Variants in VCAN observed in about 807,000 individuals in gnomAD.
The protein encoded by VCAN is versican.
Under a neutral mutation model 245.5 loss-of-function variants are expected in VCAN, and 44 were observed. The observed-to-expected ratio is 0.18, with a 90% CI of 0.14 to 0.23. The LOEUF (loss-of-function observed/expected upper bound fraction) is 0.23. Ranked by LOEUF, VCAN falls within the 10% of genes least tolerant of loss-of-function variation. The probability of loss-of-function intolerance (pLI) is 1.00; values close to 1 mark genes in which losing one functional copy is unlikely to be tolerated. For missense variants in VCAN, 3,793 were observed against 4,057.9 expected (o/e 0.93, Z 1.77); for synonymous variants, 1,413 against 1,437.0 (o/e 0.98, Z 0.38).
chr5:83,502,020 T>G (rs1745343705), intron 5 of VCAN, among the ~76,000 whole-genome samples: 1 of 152,210 alleles, frequency 6.6e-6, no homozygotes, highest in Non-Finnish European at 1.5e-5. Context: ...TTTGTTAAAT[T>G]TACTTGTAAA....
intron 2 of VCAN, 109 bp downstream of exon 2, chr5:83,483,697 T>C: frequency 9.7e-7 from 1 of 1,031,270 alleles, no homozygotes; most frequent in Non-Finnish European, 1.5e-6. Context: ...TTTTAAAATC[T>C]ATTAAGTGCT....
rs1454389341 is a variant in VCAN, at chr5:83,521,281, CAGA to C, written c.2979_2981del (p.Glu993del). 2 of 1,614,078 alleles carry C rather than the reference CAGA, an allele frequency of 1.2e-6. No individual in the cohort carries two copies. The highest frequency in any genetic ancestry group is 3.3e-5 in the Admixed American group (2 of 60,032). On this transcript the variant is annotated inframe_deletion, in exon 7 of 15. Coordinates refer to ENST00000265077, the MANE Select transcript of VCAN (RefSeq NM_004385.5). ...GGAGTGTTAGTACCTTCTGTTCCAT[CAGA>C]AGATGAAGTTCTAGGTGAACCCTCT...
chr5:83,554,313 T>C (rs1304985062), intron 11 of VCAN, among the ~76,000 whole-genome samples: 1 of 152,178 alleles, frequency 6.6e-6, no homozygotes, highest in Non-Finnish European at 1.5e-5. Flanking sequence ...TCATGAAGCG[T>C]TGTTTGATGT....
At position 83,539,476 on chromosome 5, in the gene VCAN, T is replaced by C; in HGVS notation, c.6473T>C (p.Leu2158Pro). The C allele has an allele frequency of 6.2e-7, 1 of 1,613,756 alleles. No homozygotes were observed. The highest frequency in any genetic ancestry group is 8.5e-7 in the Non-Finnish European group (1 of 1,179,924). Reference sequence around the variant, plus strand: ...CTCAAAACCACAGATTATTCTGTACTAACAACAAAGAAAACTTACAGTGAT... The same window carrying C: ...CTCAAAACCACAGATTATTCTGTACCAACAACAAAGAAAACTTACAGTGAT... ...TELKTTDYSV[L>P]TTKKTYSDDK... Residue 2158 changes from leucine to proline, a missense_variant, in exon 8 of 15, where the codon CTA becomes CCA. Transcript: ENST00000265077.
intron 2 of VCAN, among the ~76,000 whole-genome samples, chr5:83,486,927 C>T (rs1744810863): frequency 2.6e-5 from 4 of 152,104 alleles, no homozygotes; most frequent in African/African-American, 7.2e-5. Flanking sequence ...AAGACAAGTA[C>T]TTTCATCTTA....
rs1164964025 is a variant in VCAN, at chr5:83,471,842, G to T, written c.-188G>T. ...AGAACATTAGGTGTTGTGGACAGGAGCTGGGACCAAGATCTTCGGCCAGCC... is the reference window on the plus strand; with the variant it reads ...AGAACATTAGGTGTTGTGGACAGGATCTGGGACCAAGATCTTCGGCCAGCC... On this transcript the variant is annotated 5_prime_UTR_variant, in exon 1 of 15. Transcript: ENST00000265077. The T allele has an allele frequency of 5.0e-6, 2 of 398,092 alleles. No individual in the cohort carries two copies. Among genetic ancestry groups the T allele is most frequent in the African/African-American group, 4.1e-5 (2 of 48,602 alleles). 24.7% of individuals were successfully genotyped at this position (398,092 alleles called of 1,614,324 possible). A position where few individuals can be genotyped will look rare whatever the true frequency, so the allele number is the denominator to read the frequency against.
At chr5:83,474,762 C>G (rs1261383255) in intron 1 of VCAN, among the ~76,000 whole-genome samples, 1 of 152,216 alleles carries the variant, frequency 6.6e-6, no homozygotes. Flanking sequence ...AGTGGCCTCG[C>G]CCCCAGGATT....
intron 6 of VCAN, among the ~76,000 whole-genome samples, chr5:83,513,219 T>C (rs1745724354): frequency 6.6e-6 from 1 of 152,198 alleles, no homozygotes; most frequent in South Asian, 2.1e-4. Context: ...CCATCTATAC[T>C]ATGCTAGCTA....
At position 83,520,165 on chromosome 5, in the gene VCAN, A is replaced by G. The variant is rs1746024567; in HGVS notation, c.1859A>G (p.Asp620Gly). Residue 620 changes from aspartate (D) to glycine (G), a missense_variant, in exon 7 of 15, where the codon GAT becomes GGT. Asp to Gly is a moderately conservative substitution (Grantham distance 94). Around this residue, in one of 5 missense-constraint regions of VCAN, gnomAD observed 3,182 missense variants for 3,250.3 expected, o/e 0.98. Coordinates refer to ENST00000265077, the MANE Select transcript of VCAN (RefSeq NM_004385.5). ...IMPDNNGSSM[D>G]DWEERQTSGR... is the part of the protein sequence containing the mutation. ...CCTGATAATAATGGATCATCCATGG[A>G]TGACTGGGAAGAGAGACAAACTAGT... 1 of 1,613,914 alleles carries G rather than the reference A, an allele frequency of 6.2e-7. No individual in the cohort carries two copies. The highest frequency in any genetic ancestry group is 1.3e-5 in the African/African-American group (1 of 74,912).
At chr5:83,518,369 T>C (rs1745938519) in intron 6 of VCAN, among the ~76,000 whole-genome samples, 1 of 152,236 alleles carries the variant, frequency 6.6e-6, no homozygotes, top group African/African-American at 2.4e-5. Flanking sequence ...CCATTCTCTG[T>C]AAATCTGGAG....
rs1746081078 is a variant in VCAN at position 83,521,190 on chromosome 5, G to A, written c.2884G>A (p.Glu962Lys). Residue 962 changes from glutamate (E) to lysine (K), a missense_variant, in exon 7 of 15, where the codon GAG (glutamate) becomes AAG (lysine). Coordinates refer to ENST00000265077, the MANE Select transcript of VCAN (RefSeq NM_004385.5). ...ATTTGTTAGTTATAGTAGCACCCAA[G>A]AGCCTACTACTTATGTAGACTCTTC... ...LAFVSYSSTQ[E>K]PTTYVDSSHT... 1 of 1,613,494 alleles carries A rather than the reference G, an allele frequency of 6.2e-7. No individual in the cohort carries two copies. The highest frequency in any genetic ancestry group is 1.1e-5 in the South Asian group (1 of 91,042).
chr5:83,524,506 A>T (rs1324326354), intron 7 of VCAN, among the ~76,000 whole-genome samples: 4 of 150,944 alleles, frequency 2.6e-5, no homozygotes, highest in Non-Finnish European at 5.9e-5. Context: ...GTATCTACCT[A>T]CCTACCTACC....
At chr5:83,552,744 G>A (rs1747517370) in intron 10 of VCAN, among the ~76,000 whole-genome samples, 1 of 152,032 alleles carries the variant, frequency 6.6e-6, no homozygotes, top group Non-Finnish European at 1.5e-5. Context: ...TTAAAATCTT[G>A]ATGCATTTTC....
chr5:83,555,149 G>T lies in VCAN; in HGVS notation c.9735+111G>T, dbSNP rs889695295. ...AGACTGGAGGCAAGTTAAATGACTT[G>T]CTCAAGGTCACTCAGTGAAACAGAG... On this transcript the variant is annotated intron_variant, in intron 12 of 14. Coordinates refer to ENST00000265077, the MANE Select transcript of VCAN (RefSeq NM_004385.5). 5 of 1,094,742 alleles carry T rather than the reference G, an allele frequency of 4.6e-6. No individual in the cohort carries two copies. In the East Asian group the frequency reaches 1.2e-4, roughly 27 times the overall value. The allele number at this position is 1,094,742 out of a possible 1,614,324, so 67.8% of individuals were successfully genotyped here.
chr5:83,522,055 T>A lies in VCAN; in HGVS notation c.3749T>A (p.Ile1250Asn). The change falls in exon 7 of 15, where the codon ATC (isoleucine) becomes AAC (asparagine). Residue 1250 changes from isoleucine to asparagine, a missense_variant. Transcript: ENST00000265077. ...GAAGAAACAACCAGTGACATGGTAA[T>A]CATTGGAGAATCAACATCTCATGTT... is the stretch of plus-strand genomic sequence containing the variant. ...PGEETTSDMV[I>N]IGESTSHVPP... 2 of 1,614,156 alleles carry A rather than the reference T, an allele frequency of 1.2e-6. No individual in the cohort carries two copies.
intron 2 of VCAN, among the ~76,000 whole-genome samples, chr5:83,483,886 A>G (rs1340806242): frequency 6.6e-6 from 1 of 152,212 alleles, no homozygotes; most frequent in Non-Finnish European, 1.5e-5. Context: ...AAATTCTAAC[A>G]CTATTTCTCA....
At position 83,538,285 on chromosome 5, in the gene VCAN, T is replaced by C. The variant is rs1746808876; in HGVS notation, c.5282T>C (p.Val1761Ala). Residue 1761 changes from valine to alanine, a missense_variant, in exon 8 of 15, where the codon GTA becomes GCA. Val to Ala is a moderately conservative substitution (Grantham distance 64). Transcript: ENST00000265077. ...ILPFELESPN[V>A]ATSSDSGTRK... ...CCCTTTGAATTAGAAAGTCCAAATGTAGCTACATCTAGTGATTCAGGTACC... is the reference window on the plus strand; with the variant it reads ...CCCTTTGAATTAGAAAGTCCAAATGCAGCTACATCTAGTGATTCAGGTACC... 6.2e-7 allele frequency: 1 copy of C among 1,614,066 alleles called. No individual in the cohort carries two copies. Among genetic ancestry groups the C allele is most frequent in the Non-Finnish European group, 8.5e-7 (1 of 1,179,970 alleles).
chr5:83,547,548 G>A (rs1254431061), intron 9 of VCAN, among the ~76,000 whole-genome samples: 2 of 152,162 alleles, frequency 1.3e-5, no homozygotes, highest in Non-Finnish European at 2.9e-5. Flanking sequence ...GGTGAGGCCA[G>A]TTAGATACTT....
rs1438001084 is a variant in VCAN, at chr5:83,579,962, C to T, written c.9881-18C>T. 2.5e-6 allele frequency: 4 copies of T among 1,613,422 alleles called. No homozygotes were observed. Among genetic ancestry groups the T allele is most frequent in the Non-Finnish European group, 3.4e-6 (4 of 1,179,568 alleles). On this transcript the variant is annotated intron_variant, in intron 13 of 14. Coordinates refer to ENST00000265077, the MANE Select transcript of VCAN (RefSeq NM_004385.5). The stretch of plus-strand genomic sequence containing the variant: ...ATACTTAGATTATTTGGAAATAACC[C>T]AATTTGCTTTCCTTTAGTCGCTTGC...
Sources: allele counts gnomAD v4.1 joint callset (sites outside exome capture counted in the v4.1 genomes callset), GRCh38; gene constraint gnomAD v4.1.1; regional missense constraint gnomAD v4.1.1; transcripts MANE v1.5; gene names NCBI Gene and HGNC (gene_info 2026-07-23, HGNC 2026-07-21).